ZNF366: variants seen among roughly 807,000 people sequenced by gnomAD.
The protein encoded by ZNF366 is zinc finger protein 366.
In ZNF366, 20 loss-of-function variants were observed where a neutral mutation model predicts 47.2. That is an observed-to-expected ratio of 0.42 (90% CI 0.30 to 0.62). ZNF366 has a LOEUF of 0.62. Among genes scored for constraint, ZNF366 ranks in the 20% least tolerant of loss-of-function variants. ZNF366 has a pLI of 0.16. For missense variants in ZNF366, 987 were observed against 976.3 expected (o/e 1.01, Z -0.15); for synonymous variants, 421 against 395.1 (o/e 1.07, Z -0.78).
Position 72,460,230 on chromosome 5 carries a change from A to G in ZNF366, c.1267T>C (p.Cys423Arg). The change falls in exon 2 of 5, where the codon TGC becomes CGC. Residue 423 changes from cysteine (C) to arginine (R), a missense_variant. Cys to Arg is a radical substitution (Grantham distance 180). Around this residue, in one of 3 missense-constraint regions of ZNF366, gnomAD observed 111 missense variants for 180.5 expected, o/e 0.61. Coordinates refer to ENST00000318442, the MANE Select transcript of ZNF366 (RefSeq NM_152625.3). Reference protein sequence around the residue: ...MKHKDIRPYICSECGMEFVQP... With the variant: ...MKHKDIRPYIRSECGMEFVQP... ...ACAAACTCCATGCCACACTCTGAGCAGATGTAGGGCCGGATGTCCTTGTGC... is the reference window on the plus strand; with the variant it reads ...ACAAACTCCATGCCACACTCTGAGCGGATGTAGGGCCGGATGTCCTTGTGC... 1 of 1,614,246 alleles carries G rather than the reference A, an allele frequency of 6.2e-7. No homozygotes were observed. The highest frequency in any genetic ancestry group is 1.1e-5 in the South Asian group (1 of 91,084).
At chr5:72,503,965 C>T (rs974888664) in intron 1 of ZNF366, among the ~76,000 whole-genome samples, 2 of 152,184 alleles carry the variant, frequency 1.3e-5, no homozygotes, top group African/African-American at 4.8e-5. Context: ...TATTACTTGA[C>T]AAACTAACGG....
intron 1 of ZNF366, among the ~76,000 whole-genome samples, chr5:72,469,186 A>G (rs867674357): frequency 6.6e-6 from 1 of 152,162 alleles, no homozygotes; most frequent in South Asian, 2.1e-4. Flanking sequence ...GAGGTTAGCC[A>G]TCTGTGGAAG....
At chr5:72,464,023 T>C (rs1743385221) in intron 1 of ZNF366, among the ~76,000 whole-genome samples, 1 of 152,180 alleles carries the variant, frequency 6.6e-6, no homozygotes, top group African/African-American at 2.4e-5. Context: ...TGGAAAAGTC[T>C]CTTCCAGACT....
At chr5:72,480,937 A>G (rs1002865775) in intron 1 of ZNF366, among the ~76,000 whole-genome samples, 1 of 152,034 alleles carries the variant, frequency 6.6e-6, no homozygotes, top group African/African-American at 2.4e-5. Flanking sequence ...GCCCCTGTAT[A>G]TCGTATTGCC....
chr5:72,461,041 C>A lies in ZNF366; in HGVS notation c.456G>T (p.Gln152His). 6.2e-7 allele frequency: 1 copy of A among 1,614,148 alleles called. No individual in the cohort carries two copies. The change falls in exon 2 of 5, where the codon CAG becomes CAT. Residue 152 changes from glutamine (Q) to histidine (H), a missense_variant. Gln to His is a conservative substitution (Grantham distance 24). Around this residue, in one of 3 missense-constraint regions of ZNF366, gnomAD observed 591 missense variants for 560.9 expected, o/e 1.05. Transcript: ENST00000318442. Reference protein sequence around the residue: ...LEHFGGKPVKQEPIKPSAVWP... With the variant: ...LEHFGGKPVKHEPIKPSAVWP... ...ACACGGCGCTGGGCTTAATGGGTTC[C>A]TGCTTGACGGGCTTGCCCCCAAAGT...
At chr5:72,453,786 C>G (rs1477536639) in intron 3 of ZNF366, among the ~76,000 whole-genome samples, 1 of 152,230 alleles carries the variant, frequency 6.6e-6, no homozygotes, top group Non-Finnish European at 1.5e-5. Context: ...TGAGCACTGT[C>G]TCAGAGACAG....
chr5:72,461,488 C>T lies in ZNF366; in HGVS notation c.9G>A (p.Lys3=). The T allele has an allele frequency of 6.5e-7, 1 of 1,540,890 alleles. No individual in the cohort carries two copies. Residue 3 remains lysine (K), a synonymous_variant, in exon 2 of 5, where the codon AAG becomes AAA. Transcript: ENST00000318442. MQ[K]EMKMIKDEDV... The stretch of plus-strand genomic sequence containing the variant: ...CCTCGTCTTTGATCATCTTCATTTC[C>T]TTCTGCATCCTTGGCAATTTTCCTT...
intron 1 of ZNF366, among the ~76,000 whole-genome samples, 155 bp downstream of exon 1, chr5:72,507,096 A>T (rs1162431207): frequency 6.6e-6 from 1 of 152,134 alleles, no homozygotes; most frequent in Non-Finnish European, 1.5e-5. Flanking sequence ...TCTCTTACCA[A>T]AAAAAAGTAT....
chr5:72,498,750 G>T (rs548428248), intron 1 of ZNF366, among the ~76,000 whole-genome samples: 1 of 152,294 alleles, frequency 6.6e-6, no homozygotes, highest in South Asian at 2.1e-4. Flanking sequence ...CAGTGATTTT[G>T]GGTAGGCAGT....
intron 1 of ZNF366, among the ~76,000 whole-genome samples, chr5:72,485,911 G>T (rs1288440844): frequency 2.0e-5 from 3 of 152,024 alleles, no homozygotes; most frequent in Non-Finnish European, 1.5e-5. Flanking sequence ...TGTTCTTTCT[G>T]CCTGGACAGC....
chr5:72,456,223 G>T (rs564155794), intron 3 of ZNF366, among the ~76,000 whole-genome samples, 181 bp downstream of exon 3: 1 of 152,166 alleles, frequency 6.6e-6, no homozygotes, highest in Non-Finnish European at 1.5e-5. Context: ...CTCCAGCCTG[G>T]CATGATGTAA....
chr5:72,473,384 C>T (rs1743609214), intron 1 of ZNF366, among the ~76,000 whole-genome samples: 1 of 152,198 alleles, frequency 6.6e-6, no homozygotes, highest in Admixed American at 6.5e-5. Context: ...AGTTCTGTGG[C>T]TTGCAGCGAA....
At chr5:72,462,579 T>C (rs1447021014) in intron 1 of ZNF366, among the ~76,000 whole-genome samples, 3 of 134,398 alleles carry the variant, frequency 2.2e-5, no homozygotes, top group African/African-American at 9.1e-5. Flanking sequence ...GGAGTCTGGC[T>C]CTGTTGCCCA....
chr5:72,484,689 C>T (rs539123508), intron 1 of ZNF366, among the ~76,000 whole-genome samples: 7 of 152,064 alleles, frequency 4.6e-5, no homozygotes, highest in Admixed American at 1.3e-4. Context: ...TCTTCAGGAG[C>T]GATGACAAGA....
chr5:72,471,668 C>G (rs1340926368), intron 1 of ZNF366, among the ~76,000 whole-genome samples: 2 of 152,150 alleles, frequency 1.3e-5, no homozygotes, highest in Non-Finnish European at 2.9e-5. Context: ...GCAACTTATA[C>G]TTCTATACAC....
chr5:72,450,654 G>T (rs1743048186), intron 3 of ZNF366, among the ~76,000 whole-genome samples: 1 of 152,138 alleles, frequency 6.6e-6, no homozygotes, highest in African/African-American at 2.4e-5. Flanking sequence ...CACAGGACCT[G>T]AGATACTCGG....
chr5:72,455,581 TAG>T (rs1743167404), intron 3 of ZNF366, among the ~76,000 whole-genome samples: 1 of 152,084 alleles, frequency 6.6e-6, no homozygotes, highest in East Asian at 1.9e-4. Context: ...ATTTTAGAAG[TAG>T]AGAGAGGAAA....
chr5:72,478,057 C>G lies in ZNF366; in HGVS notation c.-14-16547G>C, dbSNP rs375389563. On this transcript the variant is annotated intron_variant, in intron 1 of 4. Transcript: ENST00000318442. ...CCTATTTCTGAATTCCAGCAACACT[C>G]TCAAAGTTTTGGTGGGAAAAGACAT... Among the ~76,000 whole-genome samples the G allele has an allele frequency of 2.8e-4, 43 of 152,096 alleles. No homozygotes were observed. The South Asian group carries it at 4.0e-3, about 14-fold the overall frequency.
At position 72,441,309 on chromosome 5, in the gene ZNF366, C is replaced by T. The variant is rs1312116414; in HGVS notation, c.*2447G>A. 6.6e-6 allele frequency: 1 copy of T among 152,212 alleles called. No individual in the cohort carries two copies. The highest frequency in any genetic ancestry group is 2.4e-5 in the African/African-American group (1 of 41,458). The allele number at this position is 152,212 out of a possible 1,614,324, so 9.4% of individuals were successfully genotyped here. ...AACACAGCACATAGTAGGTCCTCAA[C>T]ACATGGCCGCAGTGTGAATAAATGT... is the stretch of plus-strand genomic sequence containing the variant. On this transcript the variant is annotated 3_prime_UTR_variant, in exon 5 of 5. Transcript: ENST00000318442.
Sources: gnomAD v4.1 joint callset for allele counts (sites outside exome capture counted in the v4.1 genomes callset) on GRCh38, gnomAD v4.1.1 for gene constraint, gnomAD v4.1.1 regional missense constraint, MANE v1.5 for transcripts, NCBI Gene and HGNC (gene_info 2026-07-23, HGNC 2026-07-21) for gene names.